Variants in ATG5 observed in about 807,000 individuals in gnomAD.
ATG5 encodes autophagy related 5.
In ATG5, 14 loss-of-function variants were observed where a neutral mutation model predicts 36.5. The observed-to-expected ratio is 0.38, with a 90% CI of 0.25 to 0.60. The LOEUF (loss-of-function observed/expected upper bound fraction) is 0.60, where lower values mean the gene tolerates loss of function less well. Ranked by LOEUF, ATG5 falls within the 20% of genes least tolerant of loss-of-function variation. The pLI is 0.60. For synonymous variants in ATG5, 95 were observed against 101.5 expected (o/e 0.94, Z 0.38); for missense variants, 195 against 326.7 (o/e 0.60, Z 3.11).
chr6:106,222,257 A>G (rs1190945614), intron 6 of ATG5, among the ~76,000 whole-genome samples: 1 of 152,202 alleles, frequency 6.6e-6, no homozygotes, highest in African/African-American at 2.4e-5. Context: ...AAACTGCATC[A>G]TTCACAATCT....
intron 5 of ATG5, among the ~76,000 whole-genome samples, chr6:106,255,668 A>T (rs532189900): frequency 2.0e-5 from 3 of 152,326 alleles, no homozygotes; most frequent in African/African-American, 7.2e-5. Context: ...CCAGGTAATA[A>T]AAAAGATTCA....
At chr6:106,206,501 T>G (rs771935517) in intron 6 of ATG5, among the ~76,000 whole-genome samples, 6 of 152,030 alleles carry the variant, frequency 3.9e-5, no homozygotes, top group Non-Finnish European at 7.4e-5. Flanking sequence ...ATACAGAAAA[T>G]TAGCTGGGCA....
chr6:106,226,526 C>T (rs777839261), intron 6 of ATG5, among the ~76,000 whole-genome samples: 1 of 151,808 alleles, frequency 6.6e-6, no homozygotes, highest in African/African-American at 2.4e-5. Context: ...TTTAAATATG[C>T]GCAAAGAACT....
chr6:106,304,132 C>T (rs1410764310), intron 3 of ATG5: 2 of 152,012 alleles, frequency 1.3e-5, no homozygotes, highest in African/African-American at 4.8e-5. Flanking sequence ...GGTTGCAGAA[C>T]ACAAAAATCA....
At chr6:106,315,127 A>AT (rs1770790891) in intron 2 of ATG5, among the ~76,000 whole-genome samples, 1 of 152,340 alleles carries the variant, frequency 6.6e-6, no homozygotes, top group East Asian at 1.9e-4. Flanking sequence ...GGGCTCCTTA[A>AT]TAAGTAGCTT....
chr6:106,298,441 C>G (rs1446778090), intron 3 of ATG5, among the ~76,000 whole-genome samples: 1 of 151,982 alleles, frequency 6.6e-6, no homozygotes, highest in African/African-American at 2.4e-5. Flanking sequence ...GTCCCAGCTA[C>G]TTGGGAGGCT....
At chr6:106,293,637 C>T (rs1001900727) in intron 3 of ATG5, among the ~76,000 whole-genome samples, 69 of 152,168 alleles carry the variant, frequency 4.5e-4, no homozygotes, top group African/African-American at 1.6e-3. Context: ...CCTTTACAAA[C>T]TGTACTATAA....
chr6:106,253,233 G>A (rs2114529128), intron 5 of ATG5, among the ~76,000 whole-genome samples: 1 of 152,302 alleles, frequency 6.6e-6, no homozygotes, highest in Admixed American at 6.5e-5. Flanking sequence ...TCTGCCTTAT[G>A]AGCCAGGTCA....
chr6:106,322,950 C>A (rs952738532), intron 1 of ATG5, among the ~76,000 whole-genome samples: 1 of 151,548 alleles, frequency 6.6e-6, no homozygotes, highest in African/African-American at 2.4e-5. Context: ...GACGGGGTCT[C>A]GCTCTGTCGC....
chr6:106,279,864 C>A, intron 4 of ATG5, 41 bp from the exon 5 acceptor site: 1 of 1,288,310 alleles, frequency 7.8e-7, no homozygotes, highest in Non-Finnish European at 1.0e-6. Context: ...AGGATACACA[C>A]ATTACAAAAT....
rs978059504 is a variant in ATG5 at position 106,185,431 on chromosome 6, A to G, written c.*1109T>C. 6 of 152,600 alleles carry G rather than the reference A, an allele frequency of 3.9e-5. No homozygotes were observed. Among genetic ancestry groups the G allele is most frequent in the Admixed American group, 3.3e-4 (5 of 15,280 alleles). The allele number at this position is 152,600 out of a possible 1,614,324, so 9.5% of individuals were successfully genotyped here. On this transcript the variant is annotated 3_prime_UTR_variant, in exon 8 of 8. Coordinates refer to ENST00000369076, the MANE Select transcript of ATG5 (RefSeq NM_004849.4). ...GGTAAAATCCCAGAGGCTTGGTAAT[A>G]AAGTGCAGCAAACTTTCCTTATATT...
chr6:106,234,115 G>C (rs77791277), intron 6 of ATG5, among the ~76,000 whole-genome samples: 1 of 151,408 alleles, frequency 6.6e-6, no homozygotes, highest in Non-Finnish European at 1.5e-5. Context: ...GTATGTCTGA[G>C]GGGGGTGGAG....
At chr6:106,254,958 A>G (rs1401068175) in intron 5 of ATG5, among the ~76,000 whole-genome samples, 1 of 152,232 alleles carries the variant, frequency 6.6e-6, no homozygotes, top group East Asian at 1.9e-4. Flanking sequence ...CTAACACAGT[A>G]TAGCTGCAAT....
intron 6 of ATG5, among the ~76,000 whole-genome samples, chr6:106,204,514 T>C (rs1776557365): frequency 6.6e-6 from 1 of 152,188 alleles, no homozygotes; most frequent in Non-Finnish European, 1.5e-5. Context: ...TGTGTTTCCA[T>C]CCAAATCTCA....
At chr6:106,201,834 TTC>T (rs1253352368) in intron 7 of ATG5, 136 bp downstream of exon 7, 3 of 544,034 alleles carry the variant, frequency 5.5e-6, no homozygotes, top group Non-Finnish European at 9.5e-6. Flanking sequence ...TATTAGGTGC[TTC>T]TGTTTGAAAA....
intron 7 of ATG5, among the ~76,000 whole-genome samples, chr6:106,191,804 C>T (rs937572807): frequency 1.1e-4 from 17 of 151,902 alleles, no homozygotes. Flanking sequence ...GATTTAGTAA[C>T]AAAAAGTAAA....
intron 6 of ATG5, among the ~76,000 whole-genome samples, chr6:106,237,546 C>A (rs536473985): frequency 6.6e-6 from 1 of 152,142 alleles, no homozygotes; most frequent in Non-Finnish European, 1.5e-5. Context: ...GTCTACCCCA[C>A]AGAAGTGTTA....
At chr6:106,269,403 C>T (rs1310337326) in intron 5 of ATG5, among the ~76,000 whole-genome samples, 3 of 152,138 alleles carry the variant, frequency 2.0e-5, no homozygotes, top group African/African-American at 7.2e-5. Flanking sequence ...GCGCCGTGCC[C>T]CGCACTCCTC....
chr6:106,259,700 T>G (rs911548963), intron 5 of ATG5, among the ~76,000 whole-genome samples: 1 of 152,220 alleles, frequency 6.6e-6, no homozygotes, highest in Non-Finnish European at 1.5e-5. Context: ...TATAGAGTTT[T>G]TTAAATCTTA....
Sources: gnomAD v4.1 joint callset for allele counts (sites outside exome capture counted in the v4.1 genomes callset) on GRCh38, gnomAD v4.1.1 for gene constraint, MANE v1.5 for transcripts, NCBI Gene and HGNC (gene_info 2026-07-23, HGNC 2026-07-21) for gene names.